Variants in HTN3 observed in about 807,000 individuals in gnomAD.
HTN3 encodes histatin-3.
Under a neutral mutation model 10.6 loss-of-function variants are expected in HTN3, and 15 were observed. That is an observed-to-expected ratio of 1.42 (90% CI 0.95 to 2.18). HTN3 has a LOEUF of 2.18. Among genes scored for constraint, HTN3 ranks in the 30% most tolerant of loss-of-function variants. HTN3 has a pLI of 0.00. For missense variants in HTN3, 68 were observed against 58.0 expected, an observed-to-expected ratio of 1.17 and a Z score of -0.56; for synonymous variants, 15 against 16.9, an observed-to-expected ratio of 0.89 and a Z score of 0.27.
chr4:70,031,040 T>C (rs1446850860), intron 2 of HTN3: 1 of 348,080 alleles, frequency 2.9e-6, no homozygotes, highest in Non-Finnish European at 5.2e-6. Context: ...GCAAGCTTCA[T>C]AAATATGTGG....
intron 4 of HTN3, 66 bp from the exon 5 acceptor site, chr4:70,033,101 T>C (rs1197940445): frequency 3.5e-6 from 4 of 1,141,512 alleles, no homozygotes; most frequent in Non-Finnish European, 5.2e-6. Context: ...ACAGTTTTTG[T>C]GAAGCATTTT....
At chr4:70,033,290 T>C (rs1725432432) in intron 5 of HTN3, 37 bp downstream of exon 5, 5 of 935,340 alleles carry the variant, frequency 5.3e-6, no homozygotes, top group Non-Finnish European at 6.7e-6. Flanking sequence ...TCTAGAAGTA[T>C]CAACACTGAC....
chr4:70,033,328 A>C (rs904501360), intron 5 of HTN3, 75 bp downstream of exon 5: 9 of 688,756 alleles, frequency 1.3e-5, no homozygotes, highest in Non-Finnish European at 2.2e-5. Context: ...ATTAAAAAAA[A>C]GCCATTAAGC....
At chr4:70,028,737 G>A (rs1447408750) in intron 1 of HTN3, among the ~76,000 whole-genome samples, 2 of 151,990 alleles carry the variant, frequency 1.3e-5, no homozygotes, top group East Asian at 3.9e-4. Context: ...ATATGGCAAT[G>A]TATTACATCC....
At chr4:70,034,523 G>C (rs527947279) in intron 5 of HTN3, 1 of 152,296 alleles carries the variant, frequency 6.6e-6, no homozygotes, top group Admixed American at 6.5e-5. Context: ...ACACCAGTTA[G>C]AATTGTGATT....
chr4:70,034,922 A>G lies in HTN3; in HGVS notation c.*34-1345A>G, dbSNP rs541969052. 1.3e-4 allele frequency among the ~76,000 whole-genome samples: 20 copies of G among 152,320 alleles called. No homozygotes were observed. In the South Asian group the frequency reaches 3.5e-3, roughly 27 times the overall value. On this transcript the variant is annotated intron_variant, in intron 5 of 5. Coordinates refer to ENST00000673563, the MANE Select transcript of HTN3 (RefSeq NM_000200.3). ...AGGGAAATGGATAAAGCTGGAAGCC[A>G]TCATCCTCAGAAAACTAAAACAGGA...
intron 2 of HTN3, chr4:70,031,436 G>C (rs1231013072): frequency 6.5e-6 from 1 of 152,782 alleles, no homozygotes; most frequent in African/African-American, 2.4e-5. Flanking sequence ...TAGAAAATTG[G>C]TCACAAAAGA....
Position 70,028,604 on chromosome 4 carries a change from T to C in HTN3, c.-14+88T>C, listed in dbSNP as rs137975804. ...ATAGTAACCCACTTATGAAAATGTATATTATCTATGATAATTTCTTATAAA... is the reference window on the plus strand; with the variant it reads ...ATAGTAACCCACTTATGAAAATGTACATTATCTATGATAATTTCTTATAAA... On this transcript the variant is annotated intron_variant, in intron 1 of 5. Transcript: ENST00000673563. 1.8e-4 allele frequency: 27 copies of C among 152,280 alleles called. No individual in the cohort carries two copies. In the East Asian group the frequency reaches 4.6e-3, roughly 26 times the overall value. The allele number at this position is 152,280 out of a possible 1,614,324, so 9.4% of individuals were successfully genotyped here.
intron 5 of HTN3, among the ~76,000 whole-genome samples, chr4:70,035,358 T>G (rs1189946007): frequency 2.6e-5 from 4 of 152,170 alleles, no homozygotes; most frequent in Non-Finnish European, 2.9e-5. Flanking sequence ...TAATAATACT[T>G]AAGCTCTTTA....
Sources: gnomAD v4.1 joint callset for allele counts (sites outside exome capture counted in the v4.1 genomes callset) on GRCh38, gnomAD v4.1.1 for gene constraint, MANE v1.5 for transcripts, NCBI Gene and HGNC (gene_info 2026-07-23, HGNC 2026-07-21) for gene names.